Variants in SPOCK1 observed in about 807,000 individuals in gnomAD.
SPOCK1 encodes the protein SPARC (osteonectin), cwcv and kazal like domains proteoglycan 1.
In SPOCK1, 23 loss-of-function variants were observed where a neutral mutation model predicts 55.3. The ratio of observed to expected loss-of-function variants is 0.42; its 90% CI spans 0.30 to 0.59. The LOEUF is 0.59. Ranked by LOEUF, SPOCK1 falls within the 20% of genes least tolerant of loss-of-function variation. SPOCK1 has a pLI of 0.22. For synonymous variants in SPOCK1, 226 were observed against 221.0 expected (o/e 1.02, Z -0.20); for missense variants, 499 against 552.5 (o/e 0.90, Z 0.97).
At position 136,978,014 on chromosome 5, in the gene SPOCK1, A is replaced by G. The variant is rs1249894440; in HGVS notation, c.*640T>C. ...TCTGTACATGCATGCATATTTATGC[A>G]TGTACAGGGAAGTATCCAGACACCA... is the stretch of plus-strand genomic sequence containing the variant. On this transcript the variant is annotated 3_prime_UTR_variant, in exon 11 of 11. Coordinates refer to ENST00000394945, the MANE Select transcript of SPOCK1 (RefSeq NM_004598.4). The G allele has an allele frequency of 2.3e-5, 9 of 398,372 alleles. No individual in the cohort carries two copies. Among genetic ancestry groups the G allele is most frequent in the African/African-American group, 1.0e-4 (5 of 48,640 alleles). The allele number at this position is 398,372 out of a possible 1,614,324, so 24.7% of individuals were successfully genotyped here.
chr5:137,087,528 GAGCT>G, intron 5 of SPOCK1, among the ~76,000 whole-genome samples: 1 of 152,318 alleles, frequency 6.6e-6, no homozygotes, highest in South Asian at 2.1e-4. Flanking sequence ...TTCACTAAAA[GAGCT>G]ACCTCCACGA....
At chr5:137,330,400 AC>A (rs1212676199) in intron 2 of SPOCK1, among the ~76,000 whole-genome samples, 1 of 151,860 alleles carries the variant, frequency 6.6e-6, no homozygotes, top group Non-Finnish European at 1.5e-5. Flanking sequence ...AGTTTAATTC[AC>A]TCCTTAAATG....
At chr5:137,120,944 C>T (rs1426896392) in intron 4 of SPOCK1, among the ~76,000 whole-genome samples, 1 of 152,174 alleles carries the variant, frequency 6.6e-6, no homozygotes, top group Non-Finnish European at 1.5e-5. Flanking sequence ...CTGACCAGTC[C>T]TCAAAAGTTC....
At chr5:137,026,358 G>C (rs1019122201) in intron 6 of SPOCK1, among the ~76,000 whole-genome samples, 1 of 152,072 alleles carries the variant, frequency 6.6e-6, no homozygotes, top group African/African-American at 2.4e-5. Flanking sequence ...TAAGTCAGTA[G>C]ACTGAGTAAA....
Position 136,977,375 on chromosome 5 carries a change from A to G in SPOCK1, c.*1279T>C, listed in dbSNP as rs72792559. On this transcript the variant is annotated 3_prime_UTR_variant, in exon 11 of 11. Coordinates refer to ENST00000394945, the MANE Select transcript of SPOCK1 (RefSeq NM_004598.4). Reference sequence around the variant, plus strand: ...TCTTAAAAACCCAGGGTTTGCTTCCATGTGTTATTACGATGTTCTTTGTAG... The same window carrying G: ...TCTTAAAAACCCAGGGTTTGCTTCCGTGTGTTATTACGATGTTCTTTGTAG... The G allele has an allele frequency of 0.027, 4,211 of 153,924 alleles. 69 individuals carry two copies. Among genetic ancestry groups the G allele is most frequent in the Non-Finnish European group, 0.038 (2,653 of 69,428 alleles). 9.5% of individuals were successfully genotyped at this position (153,924 alleles called of 1,614,324 possible). A position where few individuals can be genotyped will look rare whatever the true frequency, so the allele number is the denominator to read the frequency against.
At chr5:137,285,542 A>G (rs997835178) in intron 2 of SPOCK1, among the ~76,000 whole-genome samples, 1 of 152,186 alleles carries the variant, frequency 6.6e-6, no homozygotes, top group African/African-American at 2.4e-5. Flanking sequence ...TGGCCCACTC[A>G]TATTCAGCTT....
chr5:137,248,069 A>C (rs1052794127), intron 3 of SPOCK1, among the ~76,000 whole-genome samples: 7 of 152,196 alleles, frequency 4.6e-5, no homozygotes, highest in Admixed American at 4.6e-4. Context: ...CTTTGGGTTA[A>C]CTGTTCTTAC....
chr5:137,351,600 C>T (rs915996018), intron 2 of SPOCK1, among the ~76,000 whole-genome samples: 6 of 152,170 alleles, frequency 3.9e-5, no homozygotes, highest in African/African-American at 1.4e-4. Flanking sequence ...GTTTCACAGC[C>T]CACCAGCCAT....
intron 3 of SPOCK1, among the ~76,000 whole-genome samples, chr5:137,241,781 T>C (rs1377496261): frequency 1.3e-5 from 2 of 152,192 alleles, no homozygotes; most frequent in Admixed American, 1.3e-4. Flanking sequence ...CTTCATTATA[T>C]ATTACCCAGT....
At chr5:137,074,578 A>T (rs1752689249) in intron 5 of SPOCK1, among the ~76,000 whole-genome samples, 1 of 152,138 alleles carries the variant, frequency 6.6e-6, no homozygotes, top group South Asian at 2.1e-4. Flanking sequence ...GTGCAGTGAC[A>T]TGATTTCAGC....
chr5:137,254,459 AC>A (rs1756596619), intron 3 of SPOCK1, among the ~76,000 whole-genome samples: 1 of 152,214 alleles, frequency 6.6e-6, no homozygotes, highest in African/African-American at 2.4e-5. Flanking sequence ...TAGCTATCAT[AC>A]TAATCATTCT....
intron 2 of SPOCK1, among the ~76,000 whole-genome samples, chr5:137,321,539 G>T (rs1228581070): frequency 6.6e-6 from 1 of 152,094 alleles, no homozygotes; most frequent in Non-Finnish European, 1.5e-5. Context: ...CAGAAACTTT[G>T]CAGGCCAAAA....
intron 2 of SPOCK1, among the ~76,000 whole-genome samples, chr5:137,287,898 T>C (rs773039316): frequency 2.6e-5 from 4 of 152,154 alleles, no homozygotes; most frequent in Admixed American, 2.0e-4. Context: ...TCACAAGCCA[T>C]AAAATTGAGA....
intron 5 of SPOCK1, among the ~76,000 whole-genome samples, chr5:137,102,501 G>T (rs1018853578): frequency 1.3e-5 from 2 of 152,078 alleles, no homozygotes; most frequent in Non-Finnish European, 2.9e-5. Flanking sequence ...TTTCTCTAAG[G>T]CCTGGCTACC....
At chr5:137,096,557 A>T (rs1006563420) in intron 5 of SPOCK1, among the ~76,000 whole-genome samples, 3 of 152,192 alleles carry the variant, frequency 2.0e-5, no homozygotes, top group Non-Finnish European at 1.5e-5. Context: ...CGCAGGCATA[A>T]CTGCAATAGG....
At chr5:137,329,731 T>C (rs1274981876) in intron 2 of SPOCK1, among the ~76,000 whole-genome samples, 3 of 152,164 alleles carry the variant, frequency 2.0e-5, no homozygotes, top group Non-Finnish European at 2.9e-5. Context: ...GCTCCTCTAA[T>C]GCACCACATC....
chr5:137,110,843 T>C (rs1219012537), intron 5 of SPOCK1, among the ~76,000 whole-genome samples: 1 of 152,168 alleles, frequency 6.6e-6, no homozygotes, highest in Non-Finnish European at 1.5e-5. Context: ...GATCAAATGA[T>C]AACCTGTTGA....
chr5:137,337,498 A>G (rs992059434), intron 2 of SPOCK1, among the ~76,000 whole-genome samples: 2 of 152,206 alleles, frequency 1.3e-5, no homozygotes, highest in Non-Finnish European at 2.9e-5. Context: ...TGAAAATAAT[A>G]AGTCTACTGA....
intron 2 of SPOCK1, among the ~76,000 whole-genome samples, chr5:137,495,816 T>C (rs1275192992): frequency 1.3e-5 from 2 of 152,200 alleles, no homozygotes; most frequent in Non-Finnish European, 2.9e-5. Context: ...TGGTCTGAGT[T>C]CCACAACACT....
Sources: allele counts gnomAD v4.1 joint callset (sites outside exome capture counted in the v4.1 genomes callset), GRCh38; gene constraint gnomAD v4.1.1; transcripts MANE v1.5; gene names NCBI Gene and HGNC (gene_info 2026-07-23, HGNC 2026-07-21).